NRG1: variants seen among roughly 807,000 people sequenced by gnomAD.
The protein encoded by NRG1 is pro-neuregulin-1, membrane-bound isoform.
In NRG1, 18 loss-of-function variants were observed where a neutral mutation model predicts 63.8. The ratio of observed to expected loss-of-function variants is 0.28; its 90% confidence interval spans 0.19 to 0.42. The LOEUF is 0.42. Ranked by LOEUF, NRG1 falls within the 10% of genes least tolerant of loss-of-function variation. The pLI, the probability that NRG1 is intolerant of heterozygous loss-of-function variation, is 1.00. For synonymous variants in NRG1, 302 were observed against 301.3 expected, an observed-to-expected ratio of 1.00 and a Z score of -0.02; for missense variants, 762 against 814.7, an observed-to-expected ratio of 0.94 and a Z score of 0.79.
intron 1 of NRG1, among the ~76,000 whole-genome samples, chr8:32,243,283 G>C (rs971901489): frequency 2.6e-5 from 4 of 151,976 alleles, no homozygotes; most frequent in Non-Finnish European, 4.4e-5. Context: ...AATTAGCTAG[G>C]TATGGTGGTG....
At chr8:31,943,113 C>A (rs1212824363) in intron 1 of NRG1, among the ~76,000 whole-genome samples, 2 of 152,044 alleles carry the variant, frequency 1.3e-5, no homozygotes, top group Admixed American at 6.6e-5. Context: ...AATATGGAAC[C>A]AGCCCAAATG....
intron 1 of NRG1, among the ~76,000 whole-genome samples, chr8:31,668,152 A>G (rs1806742535): frequency 6.6e-6 from 1 of 152,208 alleles, no homozygotes; most frequent in African/African-American, 2.4e-5. Context: ...TTACGAAGCT[A>G]CCAGATTTTG....
intron 1 of NRG1, among the ~76,000 whole-genome samples, chr8:31,744,093 C>T (rs985407348): frequency 3.3e-5 from 5 of 152,034 alleles, no homozygotes; most frequent in Middle Eastern, 3.4e-3. Flanking sequence ...TCAGAGTTAA[C>T]ACACCTGGCT....
At chr8:32,309,219 A>G (rs1013630149) in intron 1 of NRG1, among the ~76,000 whole-genome samples, 2 of 152,124 alleles carry the variant, frequency 1.3e-5, no homozygotes, top group Non-Finnish European at 2.9e-5. Flanking sequence ...GGGCGAGAAA[A>G]TAGCCCTTAA....
At chr8:32,282,210 G>A (rs1040059630) in intron 1 of NRG1, among the ~76,000 whole-genome samples, 1 of 152,174 alleles carries the variant, frequency 6.6e-6, no homozygotes, top group Non-Finnish European at 1.5e-5. Context: ...GGTGGACAAA[G>A]TATCACCCAC....
At chr8:32,032,170 T>A (rs1298676809) in intron 1 of NRG1, among the ~76,000 whole-genome samples, 3 of 152,334 alleles carry the variant, frequency 2.0e-5, no homozygotes, top group South Asian at 4.1e-4. Flanking sequence ...AGTATCTCAT[T>A]GTGGTTTTGA....
At chr8:31,868,144 TC>T (rs1829134190) in intron 1 of NRG1, among the ~76,000 whole-genome samples, 2 of 110,980 alleles carry the variant, frequency 1.8e-5, no homozygotes, top group African/African-American at 8.4e-5. Context: ...CACACATACA[TC>T]TTACACACAC....
At chr8:32,747,127 C>T (rs1403378903) in intron 7 of NRG1, among the ~76,000 whole-genome samples, 1 of 152,018 alleles carries the variant, frequency 6.6e-6, no homozygotes, top group Non-Finnish European at 1.5e-5. Context: ...ACCTATAAAA[C>T]TGTAAATGCA....
At chr8:31,970,559 A>G (rs528805034) in intron 1 of NRG1, among the ~76,000 whole-genome samples, 4 of 152,276 alleles carry the variant, frequency 2.6e-5, no homozygotes, top group African/African-American at 9.6e-5. Flanking sequence ...CAAAAGTCAC[A>G]TGAGCTTACA....
intron 1 of NRG1, among the ~76,000 whole-genome samples, chr8:31,944,889 GAGTC>G (rs1176274990): frequency 1.3e-5 from 2 of 152,168 alleles, no homozygotes; most frequent in Non-Finnish European, 2.9e-5. Flanking sequence ...GAGTGATTTG[GAGTC>G]AAATCATCAA....
chr8:32,096,077 G>T (rs1829866901), intron 1 of NRG1, among the ~76,000 whole-genome samples: 1 of 152,192 alleles, frequency 6.6e-6, no homozygotes, highest in Non-Finnish European at 1.5e-5. Context: ...AGGTGTGAAT[G>T]ATTCCAGCTG....
In NRG1 at chr8:32,426,421, C is replaced by T. The variant is rs150335829; in HGVS notation, c.38-169407C>T. Among the ~76,000 whole-genome samples the T allele has an allele frequency of 1.7e-4, 26 of 152,212 alleles. No homozygotes were observed. In the East Asian group the frequency reaches 1.9e-3, roughly 11 times the overall value. On this transcript the variant is annotated intron_variant, in intron 1 of 10. Transcript: ENST00000519301. ...GTTCAGATGTTAGAAACTTTTCTGA[C>T]GCAAAATATTGTGTAATTCATAAAC...
intron 1 of NRG1, among the ~76,000 whole-genome samples, chr8:32,584,432 A>G (rs1163053449): frequency 6.6e-6 from 1 of 152,162 alleles, no homozygotes; most frequent in African/African-American, 2.4e-5. Context: ...AGAAAGTCAA[A>G]TGTGGACCCT....
At chr8:31,787,203 A>AT (rs936453144) in intron 1 of NRG1, among the ~76,000 whole-genome samples, 5 of 152,268 alleles carry the variant, frequency 3.3e-5, no homozygotes, top group African/African-American at 7.2e-5. Context: ...TATAATACGA[A>AT]TTTTTTTATA....
chr8:32,192,320 T>G (rs1484566235), intron 1 of NRG1, among the ~76,000 whole-genome samples: 3 of 152,138 alleles, frequency 2.0e-5, no homozygotes, highest in Non-Finnish European at 2.9e-5. Context: ...CTATTCACTA[T>G]AACAAAGACA....
intron 1 of NRG1, among the ~76,000 whole-genome samples, chr8:32,313,908 T>A (rs1857086298): frequency 6.6e-6 from 1 of 152,202 alleles, no homozygotes; most frequent in South Asian, 2.1e-4. Flanking sequence ...AAAACTGATA[T>A]CAATTTTTGT....
chr8:31,639,387 G>A, exon 1 of NRG1: 1 of 1,534,672 alleles, frequency 6.5e-7, no homozygotes, highest in Non-Finnish European at 8.7e-7. Context: ...CTCCGCTCCG[G>A]CAGCAGCATG....
intron 1 of NRG1, among the ~76,000 whole-genome samples, chr8:31,935,207 C>A (rs1164197146): frequency 6.6e-6 from 1 of 152,224 alleles, no homozygotes; most frequent in Admixed American, 6.5e-5. Flanking sequence ...ACCTCAACCT[C>A]CTGGGCTCAA....
intron 1 of NRG1, among the ~76,000 whole-genome samples, chr8:32,055,886 C>A (rs2130860418): frequency 6.6e-6 from 1 of 152,154 alleles, no homozygotes; most frequent in Admixed American, 6.5e-5. Context: ...TGTGTCTTTG[C>A]TAGCAGACTA....
Sources: allele counts gnomAD v4.1 joint callset (sites outside exome capture counted in the v4.1 genomes callset), GRCh38; gene constraint gnomAD v4.1.1; transcripts MANE v1.5; gene names NCBI Gene and HGNC (gene_info 2026-07-23, HGNC 2026-07-21).